The following CBLN2 variants were observed in gnomAD, a reference collection of about 807,000 sequenced individuals.
CBLN2 encodes cerebellin-2.
A neutral mutation model predicts 15.0 loss-of-function variants in CBLN2; 7 were observed. That is an observed-to-expected ratio of 0.47 (90% CI 0.27 to 0.88). The LOEUF is 0.88. Ranked by LOEUF, CBLN2 falls within the 40% of genes least tolerant of loss-of-function variation. The pLI is 0.14. For missense variants in CBLN2, 242 were observed against 304.5 expected (o/e 0.79, Z 1.53); for synonymous variants, 149 against 135.2 (o/e 1.10, Z -0.71).
intron 1 of CBLN2, among the ~76,000 whole-genome samples, chr18:72,584,613 T>C (rs538835112): frequency 1.3e-5 from 2 of 152,308 alleles, no homozygotes; most frequent in East Asian, 3.9e-4. Flanking sequence ...ACAATCTTAT[T>C]GTTTATGTAT....
chr18:72,606,366 C>T (rs941630124), intron 1 of CBLN2, among the ~76,000 whole-genome samples: 16 of 152,058 alleles, frequency 1.1e-4, no homozygotes, highest in African/African-American at 3.4e-4. Context: ...ATATGGAAAT[C>T]GTTTTCCTGT....
chr18:72,625,165 T>A (rs2069727296), intron 1 of CBLN2: 1 of 152,138 alleles, frequency 6.6e-6, no homozygotes, highest in Admixed American at 6.6e-5. Flanking sequence ...CCTCAAAATC[T>A]TCTGGAAAAT....
rs550424923 is a variant in CBLN2, at chr18:72,537,987, G to C, written c.*189C>G. On this transcript the variant is annotated 3_prime_UTR_variant, in exon 5 of 5. Transcript: ENST00000269503. ...AAAACTAATTAGAGGCCAGGTTCCC[G>C]AGGAATTGTCAGTATTCCAAAAAAC... is the stretch of plus-strand genomic sequence containing the variant. The C allele has an allele frequency of 3.3e-6, 2 of 612,046 alleles. No homozygotes were observed. The highest frequency in any genetic ancestry group is 1.9e-5 in the African/African-American group (1 of 54,012). 37.9% of individuals were successfully genotyped at this position (612,046 alleles called of 1,614,324 possible).
intron 1 of CBLN2, among the ~76,000 whole-genome samples, chr18:72,594,514 G>A (rs1035229604): frequency 1.4e-4 from 21 of 150,830 alleles, no homozygotes; most frequent in African/African-American, 3.2e-4. Context: ...AATGAATCTC[G>A]AAATATTTTC....
intron 1 of CBLN2, among the ~76,000 whole-genome samples, chr18:72,592,491 A>G (rs1056104759): frequency 6.6e-6 from 1 of 151,872 alleles, no homozygotes; most frequent in Non-Finnish European, 1.5e-5. Context: ...GGGCTTTTTA[A>G]TTTGATGTGA....
intron 1 of CBLN2, among the ~76,000 whole-genome samples, chr18:72,606,140 A>T (rs539345884): frequency 3.8e-4 from 58 of 152,312 alleles, no homozygotes; most frequent in African/African-American, 1.3e-3. Context: ...GGATACCTTC[A>T]GAGAGAATAG....
chr18:72,631,928 C>T (rs540134725), intron 1 of CBLN2, among the ~76,000 whole-genome samples: 28 of 152,196 alleles, frequency 1.8e-4, no homozygotes, highest in Middle Eastern at 3.4e-3. Flanking sequence ...ATCTGATCAA[C>T]GATTTTGATG....
chr18:72,618,840 C>A (rs1399134889), intron 1 of CBLN2: 2 of 735,218 alleles, frequency 2.7e-6, no homozygotes, highest in Non-Finnish European at 4.9e-6. Flanking sequence ...CTTCATCCAG[C>A]CAAAGAGATT....
intron 1 of CBLN2, among the ~76,000 whole-genome samples, chr18:72,571,226 T>A (rs2069330466): frequency 2.0e-5 from 3 of 152,160 alleles, no homozygotes; most frequent in Non-Finnish European, 4.4e-5. Context: ...ATCAATTTTT[T>A]GAGCACAAAT....
At chr18:72,618,499 A>G (rs1225963907) in intron 1 of CBLN2, 2 of 677,024 alleles carry the variant, frequency 3.0e-6, no homozygotes, top group African/African-American at 1.7e-5. Flanking sequence ...AGGTCACACA[A>G]GGTGGATGCA....
intron 1 of CBLN2, among the ~76,000 whole-genome samples, chr18:72,591,330 T>C (rs1290482842): frequency 1.3e-5 from 2 of 152,170 alleles, no homozygotes; most frequent in East Asian, 1.9e-4. Context: ...TCTTTATCAA[T>C]ATATTATTGC....
intron 1 of CBLN2, among the ~76,000 whole-genome samples, chr18:72,565,819 A>G (rs374044562): frequency 6.6e-6 from 1 of 152,348 alleles, no homozygotes; most frequent in African/African-American, 2.4e-5. Context: ...AATTAAATTT[A>G]CATTGAACTC....
upstream of CBLN2, among the ~76,000 whole-genome samples, chr18:72,545,912 C>T (rs973501582): frequency 1.3e-5 from 2 of 152,162 alleles, no homozygotes; most frequent in Non-Finnish European, 2.9e-5. Flanking sequence ...AAAAAGAAAA[C>T]CACTTTCTAT....
intron 1 of CBLN2, among the ~76,000 whole-genome samples, chr18:72,589,796 C>G (rs989178543): frequency 1.3e-5 from 2 of 152,136 alleles, no homozygotes; most frequent in Non-Finnish European, 2.9e-5. Flanking sequence ...CAGTGAGGGC[C>G]ACAGGTGATC....
chr18:72,553,779 C>T (rs895888303), intron 1 of CBLN2, among the ~76,000 whole-genome samples: 2 of 152,170 alleles, frequency 1.3e-5, no homozygotes, highest in African/African-American at 4.8e-5. Flanking sequence ...GTCCATAATT[C>T]ATGCCTCGAA....
chr18:72,575,876 C>G (rs1195443228), intron 1 of CBLN2, among the ~76,000 whole-genome samples: 1 of 152,062 alleles, frequency 6.6e-6, no homozygotes, highest in African/African-American at 2.4e-5. Context: ...TAAAACCATT[C>G]GATTCTGACC....
At chr18:72,618,022 C>T (rs541320821) in intron 1 of CBLN2, among the ~76,000 whole-genome samples, 2 of 152,130 alleles carry the variant, frequency 1.3e-5, no homozygotes, top group Admixed American at 6.5e-5. Context: ...TATGGTTAAA[C>T]CGGTTAAGGT....
At chr18:72,618,335 T>C in intron 1 of CBLN2, 1 of 468,140 alleles carries the variant, frequency 2.1e-6, no homozygotes, top group Non-Finnish European at 4.0e-6. Context: ...GGTTGAGCTC[T>C]GAAACAACCA....
chr18:72,564,184 C>A (rs1265442937), intron 1 of CBLN2, among the ~76,000 whole-genome samples: 1 of 152,098 alleles, frequency 6.6e-6, no homozygotes, highest in African/African-American at 2.4e-5. Context: ...AAACACAATT[C>A]TCCAGTGACT....
Sources: gnomAD v4.1 joint callset for allele counts (sites outside exome capture counted in the v4.1 genomes callset) on GRCh38, gnomAD v4.1.1 for gene constraint, MANE v1.5 for transcripts, NCBI Gene and HGNC (gene_info 2026-07-23, HGNC 2026-07-21) for gene names.